Variants in CEPT1 observed in about 807,000 individuals in gnomAD.
CEPT1 encodes the protein choline/ethanolaminephosphotransferase 1.
Under a neutral mutation model 42.6 loss-of-function variants are expected in CEPT1, and 7 were observed. The observed-to-expected ratio is 0.16, with a 90% CI of 0.09 to 0.31. The LOEUF is 0.31. Among genes scored for constraint, CEPT1 ranks in the 10% least tolerant of loss-of-function variants. CEPT1 has a pLI of 1.00. For missense variants in CEPT1, 306 were observed against 502.1 expected (o/e 0.61, Z 3.73); for synonymous variants, 171 against 171.9 (o/e 0.99, Z 0.04).
At chr1:111,161,541 C>T (rs1459952882) in intron 4 of CEPT1, among the ~76,000 whole-genome samples, 2 of 152,048 alleles carry the variant, frequency 1.3e-5, no homozygotes, top group Admixed American at 1.3e-4. Context: ...AAGCAGTAGC[C>T]CCTCATCTTT....
intron 1 of CEPT1, among the ~76,000 whole-genome samples, chr1:111,140,823 T>C (rs1025572648): frequency 1.3e-5 from 2 of 152,226 alleles, no homozygotes; most frequent in African/African-American, 4.8e-5. Context: ...TCAGCAACTT[T>C]TCTGGAAATT....
chr1:111,155,865 A>T (rs1189741715), intron 2 of CEPT1, among the ~76,000 whole-genome samples: 4 of 152,000 alleles, frequency 2.6e-5, no homozygotes, highest in Admixed American at 1.3e-4. Flanking sequence ...TATAACCCAC[A>T]CATATGTGTA....
chr1:111,171,897 C>G (rs539983391), intron 4 of CEPT1, among the ~76,000 whole-genome samples: 2 of 152,310 alleles, frequency 1.3e-5, no homozygotes, highest in East Asian at 3.9e-4. Flanking sequence ...CGCCACCACA[C>G]CTGTTAATTT....
rs112966187 is a variant in CEPT1, at chr1:111,172,138, T to C, written c.630-2741T>C. Among the ~76,000 whole-genome samples, 487 of 152,362 alleles carry C rather than the reference T, an allele frequency of 3.2e-3. 3 individuals are homozygous for C. The highest frequency in any genetic ancestry group is 0.017 in the Middle Eastern group (5 of 294). On this transcript the variant is annotated intron_variant, in intron 4 of 8. Coordinates refer to ENST00000357172, the MANE Select transcript of CEPT1 (RefSeq NM_006090.5). ...ATTTAATTTTCTCCCTCTACAACTT[T>C]AGGCTGTAGAAATCTAATGCGACAC... is the stretch of plus-strand genomic sequence containing the variant.
At chr1:111,145,507 T>A (rs1654909781) in intron 1 of CEPT1, among the ~76,000 whole-genome samples, 1 of 152,196 alleles carries the variant, frequency 6.6e-6, no homozygotes, top group South Asian at 2.1e-4. Flanking sequence ...TGGAATTTGA[T>A]ATTTATAGGG....
At chr1:111,175,122 T>C (rs928452408) in intron 5 of CEPT1, among the ~76,000 whole-genome samples, 159 bp downstream of exon 5, 3 of 152,194 alleles carry the variant, frequency 2.0e-5, no homozygotes, top group African/African-American at 7.2e-5. Flanking sequence ...TGAATTTTAC[T>C]ACTTGAAGTT....
chr1:111,155,447 G>T (rs549912805), intron 2 of CEPT1, among the ~76,000 whole-genome samples: 4 of 144,848 alleles, frequency 2.8e-5, no homozygotes, highest in African/African-American at 8.1e-5. Context: ...TTTATCATTT[G>T]TGTGTGTGTG....
At chr1:111,141,375 A>G (rs562603188) in intron 1 of CEPT1, among the ~76,000 whole-genome samples, 1 of 152,360 alleles carries the variant, frequency 6.6e-6, no homozygotes, top group Non-Finnish European at 1.5e-5. Flanking sequence ...GGCCCCCTGC[A>G]CAACTTGTCT....
chr1:111,174,031 T>C (rs1276796543), intron 4 of CEPT1, among the ~76,000 whole-genome samples: 1 of 152,198 alleles, frequency 6.6e-6, no homozygotes, highest in Non-Finnish European at 1.5e-5. Flanking sequence ...TGTGCAAGTA[T>C]ATCTGTAGGG....
chr1:111,158,726 A>G (rs974449339), intron 2 of CEPT1, among the ~76,000 whole-genome samples: 2 of 152,074 alleles, frequency 1.3e-5, no homozygotes, highest in African/African-American at 4.8e-5. Context: ...ATACCTGCAA[A>G]CATTTTGAAG....
chr1:111,173,484 A>G (rs1295745129), intron 4 of CEPT1, among the ~76,000 whole-genome samples: 2 of 152,092 alleles, frequency 1.3e-5, no homozygotes, highest in Non-Finnish European at 2.9e-5. Flanking sequence ...ATTACAGATT[A>G]TCTGCTTTAC....
intron 4 of CEPT1, 132 bp downstream of exon 4, chr1:111,161,428 T>A: frequency 1.2e-6 from 1 of 800,492 alleles, no homozygotes; most frequent in African/African-American, 1.8e-5. Flanking sequence ...TATGCTTCAT[T>A]ATTATAGCTA....
intron 2 of CEPT1, among the ~76,000 whole-genome samples, chr1:111,158,673 C>T (rs575314266): frequency 6.6e-6 from 1 of 152,214 alleles, no homozygotes; most frequent in East Asian, 1.9e-4. Context: ...TAGTGTTTAA[C>T]CCAGTGTTTC....
chr1:111,172,035 G>C (rs976220500), intron 4 of CEPT1, among the ~76,000 whole-genome samples: 1 of 152,222 alleles, frequency 6.6e-6, no homozygotes, highest in African/African-American at 2.4e-5. Flanking sequence ...ACCACGCCCA[G>C]CCAGGAGATT....
chr1:111,148,400 ACT>A (rs1291773491), intron 2 of CEPT1, among the ~76,000 whole-genome samples: 4 of 151,806 alleles, frequency 2.6e-5, no homozygotes, highest in African/African-American at 7.3e-5. Context: ...CAGTGAGAAA[ACT>A]CTCTGGTATT....
chr1:111,156,575 A>G (rs532590439), intron 2 of CEPT1, among the ~76,000 whole-genome samples: 114 of 152,310 alleles, frequency 7.5e-4, no homozygotes, highest in African/African-American at 2.6e-3. Context: ...AGCGGGGAAA[A>G]AAAAATCTTA....
At chr1:111,169,657 A>C (rs1403553378) in intron 4 of CEPT1, among the ~76,000 whole-genome samples, 1 of 152,184 alleles carries the variant, frequency 6.6e-6, no homozygotes, top group Non-Finnish European at 1.5e-5. Flanking sequence ...TTATTGCTTA[A>C]ACTGATTTGA....
At chr1:111,167,141 T>C in intron 4 of CEPT1, 1 of 985,282 alleles carries the variant, frequency 1.0e-6, no homozygotes, top group Non-Finnish European at 1.2e-6. Context: ...ATAATTATAA[T>C]ATGCCAGCTT....
In CEPT1 at chr1:111,157,212, G is replaced by A. The variant is rs75567171; in HGVS notation, c.340-2168G>A. 4.8e-3 allele frequency among the ~76,000 whole-genome samples: 731 copies of A among 152,226 alleles called. 6 individuals carry two copies. Among genetic ancestry groups the A allele is most frequent in the African/African-American group, 0.017 (713 of 41,550 alleles). On this transcript the variant is annotated intron_variant, in intron 2 of 8. Transcript: ENST00000357172. Reference sequence around the variant, plus strand: ...AAGGAAACTTTTTATGTCTGTGATTGTTATTTTACTATTTCCTAGGATTGT... The same window carrying A: ...AAGGAAACTTTTTATGTCTGTGATTATTATTTTACTATTTCCTAGGATTGT...
Sources: allele counts gnomAD v4.1 joint callset (sites outside exome capture counted in the v4.1 genomes callset), GRCh38; gene constraint gnomAD v4.1.1; transcripts MANE v1.5; gene names NCBI Gene and HGNC (gene_info 2026-07-23, HGNC 2026-07-21).